The following LIPE variants were observed in gnomAD, a reference collection of about 807,000 sequenced individuals.
The protein encoded by LIPE is lipase E, hormone sensitive type.
In LIPE, 66 loss-of-function variants were observed where a neutral mutation model predicts 88.5. That is an observed-to-expected ratio of 0.75 (90% confidence interval 0.61 to 0.91). LIPE has a LOEUF of 0.91. Among genes scored for constraint, LIPE ranks in the 40% least tolerant of loss-of-function variants. The pLI is 0.00. For missense variants in LIPE, 1,346 were observed against 1,434.7 expected (o/e 0.94, Z 1.00); for synonymous variants, 570 against 617.5 (o/e 0.92, Z 1.14).
At chr19:42,425,896 G>A (rs979095208) in intron 1 of LIPE, among the ~76,000 whole-genome samples, 39 of 152,128 alleles carry the variant, frequency 2.6e-4, no homozygotes, top group African/African-American at 8.4e-4. Context: ...TTTGCCTCCC[G>A]GGTTCAAGTG....
Position 42,426,350 on chromosome 19 carries a change from C to G in LIPE, c.800G>C (p.Gly267Ala), listed in dbSNP as rs537465598. 1.5e-5 allele frequency: 25 copies of G among 1,613,824 alleles called. No individual in the cohort carries two copies. The highest frequency in any genetic ancestry group is 1.8e-5 in the Non-Finnish European group (21 of 1,179,928). ...GVKLGFKGKS[G>A]YKVMSGYSGT... The stretch of plus-strand genomic sequence containing the variant: ...ACTGTATCCTGACATCACTTTATAA[C>G]CAGATTTTCCTTTGAAGCCTAGCTT... The change falls in exon 1 of 10, where the codon GGT becomes GCT. Residue 267 changes from glycine to alanine, a missense_variant. Transcript: ENST00000244289.
chr19:42,423,582 C>T (rs1423318746), intron 1 of LIPE: 15 of 1,215,394 alleles, frequency 1.2e-5, no homozygotes, highest in Non-Finnish European at 1.6e-5. Flanking sequence ...AGCCGCGAGG[C>T]CCTGCCCGGA....
In LIPE at chr19:42,414,152, G is replaced by A. The variant is rs1178732224; in HGVS notation, c.884-3310C>T. Reference sequence around the variant, plus strand: ...ATTAGCGGTATGGTGGTGGATGCCTGTAGTCCCCACTATTGGGAGGCTGAG... The same window carrying A: ...ATTAGCGGTATGGTGGTGGATGCCTATAGTCCCCACTATTGGGAGGCTGAG... On this transcript the variant is annotated intron_variant, in intron 1 of 9. Coordinates refer to ENST00000244289, the MANE Select transcript of LIPE (RefSeq NM_005357.4). The surrounding 1 kb of genome is among the most constrained non-coding windows in gnomAD (Gnocchi z 4.6). 6.6e-6 allele frequency among the ~76,000 whole-genome samples: 1 copy of A among 152,142 alleles called. No homozygotes were observed. The highest frequency in any genetic ancestry group is 1.9e-4 in the East Asian group (1 of 5,196).
Position 42,410,462 on chromosome 19 carries a change from G to C in LIPE, c.1264C>G (p.Leu422Val), listed in dbSNP as rs1247282201. The C allele has an allele frequency of 1.1e-5, 18 of 1,614,106 alleles. No individual in the cohort carries two copies. Among genetic ancestry groups the C allele is most frequent in the Non-Finnish European group, 1.5e-5 (18 of 1,180,038 alleles). Residue 422 changes from leucine (L) to valine (V), a missense_variant, in exon 2 of 10, where the codon CTC (leucine) becomes GTC (valine). Leu to Val is a conservative substitution (Grantham distance 32). Coordinates refer to ENST00000244289, the MANE Select transcript of LIPE (RefSeq NM_005357.4). The surrounding 1 kb of genome is among the most constrained non-coding windows in gnomAD (Gnocchi z 6.1). ...TGGGCGTAGTAGACCAGAGCGCGGAGCTGGGTGAGGGCAGCCAGGTAGGCC... is the reference window on the plus strand; with the variant it reads ...TGGGCGTAGTAGACCAGAGCGCGGACCTGGGTGAGGGCAGCCAGGTAGGCC... ...LEAYLAALTQ[L>V]RALVYYAQRL...
intron 1 of LIPE, chr19:42,412,507 A>T (rs2040403921): frequency 1.0e-6 from 1 of 985,644 alleles, no homozygotes; most frequent in East Asian, 1.1e-4. Context: ...ACCCAGAAAG[A>T]TCAGTGAGGA....
At position 42,426,927 on chromosome 19, in the gene LIPE, G is replaced by A; in HGVS notation, c.223C>T (p.Pro75Ser). Residue 75 changes from proline to serine, a missense_variant, in exon 1 of 10, where the codon CCT becomes TCT. Coordinates refer to ENST00000244289, the MANE Select transcript of LIPE (RefSeq NM_005357.4). The part of the protein sequence containing the change: ...AQHDAESQKE[P>S]RAQQKSASQE... ...GAAGCAGATTTTTGTTGGGCTCTAG[G>A]TTCCTTCTGGGATTCAGCATCATGT... The A allele has an allele frequency of 6.2e-7, 1 of 1,614,166 alleles. No homozygotes were observed. Among genetic ancestry groups the A allele is most frequent in the Non-Finnish European group, 8.5e-7 (1 of 1,180,028 alleles).
chr19:42,416,788 A>G lies in LIPE; in HGVS notation c.884-5946T>C, dbSNP rs77711132. ...ACAGAAAACAACAAAATATTTCTCA[A>G]TGACAATGCATGTGGTTACCAAAGG... is the stretch of plus-strand genomic sequence containing the variant. On this transcript the variant is annotated intron_variant, in intron 1 of 9. Transcript: ENST00000244289. Among the ~76,000 whole-genome samples, 928 of 152,336 alleles carry G rather than the reference A, an allele frequency of 6.1e-3. 8 individuals carry two copies. The highest frequency in any genetic ancestry group is 1.0e-2 in the Non-Finnish European group (679 of 68,022).
At position 42,408,359 on chromosome 19, in the gene LIPE, G is replaced by T; in HGVS notation, c.1420-37C>A. ...CGCGGCTGCGTCACCCACCGCTCAA[G>T]AGAGGGATGGGGACAGGGCAGGAGC... On this transcript the variant is annotated intron_variant, in intron 2 of 9. Coordinates refer to ENST00000244289, the MANE Select transcript of LIPE (RefSeq NM_005357.4). This position sits in a 1 kb window ranked among gnomAD's most constrained non-coding sequence, Gnocchi z 4.3. 6.5e-7 allele frequency: 1 copy of T among 1,534,292 alleles called. No individual in the cohort carries two copies. The highest frequency in any genetic ancestry group is 9.0e-7 in the Non-Finnish European group (1 of 1,107,840).
At position 42,426,697 on chromosome 19, in the gene LIPE, T is replaced by C; in HGVS notation, c.453A>G (p.Gln151=). 1 of 1,614,226 alleles carries C rather than the reference T, an allele frequency of 6.2e-7. No homozygotes were observed. The highest frequency in any genetic ancestry group is 8.5e-7 in the Non-Finnish European group (1 of 1,180,036). ...GGGCCGCAGGTGTTGATTCAGCTTC[T>C]TGTTGAGCTGGAGGTGGCTCTCCTG... is the stretch of plus-strand genomic sequence containing the variant. ...PGPGEPPPAQ[Q]EAESTPAAQA... is the part of the protein sequence containing the mutation. The change falls in exon 1 of 10, where the codon CAA becomes CAG. Residue 151 remains glutamine, a synonymous_variant. Transcript: ENST00000244289.
At chr19:42,426,229 T>G in intron 1 of LIPE, 38 bp downstream of exon 1, 1 of 1,564,134 alleles carries the variant, frequency 6.4e-7, no homozygotes, top group East Asian at 2.3e-5. Context: ...TGAATGACTG[T>G]CCCTGAGAGG....
rs781540681 is a variant in LIPE at position 42,408,231 on chromosome 19, C to T, written c.1510+1G>A. The T allele has an allele frequency of 6.2e-7, 1 of 1,614,038 alleles. No homozygotes were observed. Among genetic ancestry groups the T allele is most frequent in the South Asian group, 1.1e-5 (1 of 91,076 alleles). On this transcript the variant is annotated splice_donor_variant, in intron 3 of 9. Transcript: ENST00000244289. LOFTEE classifies it high-confidence loss of function. This position sits in a 1 kb window ranked among gnomAD's most constrained non-coding sequence, Gnocchi z 4.3. The stretch of plus-strand genomic sequence containing the variant: ...GCGAGTAGAACCTGGCTGGGACTCA[C>T]TGAGGCCTGTCTCGTTGCGTTTGTA...
At position 42,407,588 on chromosome 19, in the gene LIPE, C is replaced by A; in HGVS notation, c.1842+18G>T. On this transcript the variant is annotated intron_variant, in intron 5 of 9. Coordinates refer to ENST00000244289, the MANE Select transcript of LIPE (RefSeq NM_005357.4). This position sits in a 1 kb window ranked among gnomAD's most constrained non-coding sequence, Gnocchi z 5.8. Reference sequence around the variant, plus strand: ...TCCTCGGCTCTGTCCCTGTCCCTGGCTGAGGCTGGAACCCTACCTGTCCTT... The same window carrying A: ...TCCTCGGCTCTGTCCCTGTCCCTGGATGAGGCTGGAACCCTACCTGTCCTT... 1 of 1,595,540 alleles carries A rather than the reference C, an allele frequency of 6.3e-7. No individual in the cohort carries two copies. Among genetic ancestry groups the A allele is most frequent in the South Asian group, 1.1e-5 (1 of 88,252 alleles).
intron 1 of LIPE, among the ~76,000 whole-genome samples, chr19:42,417,649 A>G (rs1200750860): frequency 2.0e-5 from 3 of 152,082 alleles, no homozygotes; most frequent in Non-Finnish European, 4.4e-5. Flanking sequence ...CCTCTTGAAT[A>G]GCTGGGATTA....
intron 1 of LIPE, among the ~76,000 whole-genome samples, chr19:42,419,366 G>A (rs1445236161): frequency 6.6e-6 from 1 of 152,208 alleles, no homozygotes; most frequent in Non-Finnish European, 1.5e-5. Flanking sequence ...TGGGGAAGGG[G>A]CTGGACCCAG....
chr19:42,401,615 G>T lies in LIPE; in HGVS notation c.*197C>A. 1.9e-6 allele frequency: 1 copy of T among 526,830 alleles called. No homozygotes were observed. Among genetic ancestry groups the T allele is most frequent in the Non-Finnish European group, 3.3e-6 (1 of 305,484 alleles). 32.6% of individuals were successfully genotyped at this position (526,830 alleles called of 1,614,324 possible). On this transcript the variant is annotated 3_prime_UTR_variant, in exon 10 of 10. Coordinates refer to ENST00000244289, the MANE Select transcript of LIPE (RefSeq NM_005357.4). ...CGCAGCAGCAGCAGCAAAAGGCAGC[G>T]GTGGCGTGCAGGTCCAGCCGTCTCG...
intron 1 of LIPE, among the ~76,000 whole-genome samples, chr19:42,425,552 C>T (rs1261914460): frequency 6.6e-6 from 1 of 152,084 alleles, no homozygotes; most frequent in Non-Finnish European, 1.5e-5. Flanking sequence ...TGGCTCATGC[C>T]TGTAATCTCA....
chr19:42,408,288 A>G lies in LIPE; in HGVS notation c.1454T>C (p.Ile485Thr). The G allele has an allele frequency of 6.2e-7, 1 of 1,613,998 alleles. No homozygotes were observed. The highest frequency in any genetic ancestry group is 1.1e-5 in the South Asian group (1 of 91,076). ...CCCGAAGGACACCAGCCCAATGGAG[A>G]TGGTCTGCAGGAATGGCCGGATGGC... ...TPAIRPFLQTISIGLVSFGEH... is the reference protein window; with the variant it reads ...TPAIRPFLQTTSIGLVSFGEH... Residue 485 changes from isoleucine to threonine, a missense_variant, in exon 3 of 10, where the codon ATC becomes ACC. Coordinates refer to ENST00000244289, the MANE Select transcript of LIPE (RefSeq NM_005357.4). This position sits in a 1 kb window ranked among gnomAD's most constrained non-coding sequence, Gnocchi z 4.3.
rs2039969709 is a variant in LIPE at position 42,401,569 on chromosome 19, C to A, written c.*243G>T. On this transcript the variant is annotated 3_prime_UTR_variant, in exon 10 of 10. Coordinates refer to ENST00000244289, the MANE Select transcript of LIPE (RefSeq NM_005357.4). ...AACCGACCTGCAAGGGAGGGCCAGT[C>A]CCCGTCCCTGCGGCGGTCGCCGCAG... 2.0e-6 allele frequency: 1 copy of A among 497,304 alleles called. No individual in the cohort carries two copies. The highest frequency in any genetic ancestry group is 4.1e-5 in the Admixed American group (1 of 24,404). 30.8% of individuals were successfully genotyped at this position (497,304 alleles called of 1,614,324 possible).
At chr19:42,420,226 G>C (rs1313450342) in intron 1 of LIPE, among the ~76,000 whole-genome samples, 3 of 152,072 alleles carry the variant, frequency 2.0e-5, no homozygotes, top group Non-Finnish European at 4.4e-5. Context: ...GATCTCTGCT[G>C]TGTTTCTGTG....
Sources: allele counts gnomAD v4.1 joint callset (sites outside exome capture counted in the v4.1 genomes callset), GRCh38; gene constraint gnomAD v4.1.1; non-coding constraint Gnocchi (gnomAD v3.1); transcripts MANE v1.5; gene names NCBI Gene and HGNC (gene_info 2026-07-23, HGNC 2026-07-21).